Variants in SATL1 observed in about 807,000 individuals in gnomAD.
SATL1 encodes spermidine/spermine N(1)-acetyltransferase-like protein 1.
SATL1 carries 47 observed loss-of-function variants against 51.8 expected under a neutral mutation model. The observed-to-expected ratio is 0.91, with a 90% confidence interval of 0.72 to 1.16. The LOEUF (loss-of-function observed/expected upper bound fraction) is 1.16, where lower values mean the gene tolerates loss of function less well. SATL1 is among the 50% of genes most tolerant of loss of function. SATL1 has a pLI of 0.00. For missense variants in SATL1, 520 were observed against 526.4 expected, an observed-to-expected ratio of 0.99 and a Z score of 0.12; for synonymous variants, 176 against 182.4, an observed-to-expected ratio of 0.97 and a Z score of 0.28.
At chrX:85,200,051 A>G (rs1228984720) in intron 2 of SATL1, among the ~76,000 whole-genome samples, 1 of 112,036 alleles carries the variant, frequency 8.9e-6, no homozygotes, top group Non-Finnish European at 1.9e-5. Flanking sequence ...CTGTATCAAA[A>G]TATATCACTT....
chrX:85,129,718 T>C (rs981994832), intron 2 of SATL1, among the ~76,000 whole-genome samples: 1 of 111,684 alleles, frequency 9.0e-6, no homozygotes, highest in African/African-American at 3.3e-5. Flanking sequence ...CATCCCTCTC[T>C]TGTGCCAGTT....
chrX:85,185,549 C>T (rs1332100437), intron 2 of SATL1, among the ~76,000 whole-genome samples: 2 of 111,146 alleles, frequency 1.8e-5, no homozygotes, highest in African/African-American at 6.5e-5. Flanking sequence ...AAGACAAAGT[C>T]CTTCCTACAT....
At position 85,236,731 on chromosome X, in the gene SATL1, C is replaced by T. The variant is rs1928488704; in HGVS notation, c.-435+6857G>A. Among the ~76,000 whole-genome samples, 3 of 111,538 alleles carry T rather than the reference C, an allele frequency of 2.7e-5. No homozygotes were observed. In the Admixed American group the frequency reaches 2.8e-4, roughly 11 times the overall value. On this transcript the variant is annotated intron_variant, in intron 1 of 7. Coordinates refer to ENST00000644105, the MANE Select transcript of SATL1 (RefSeq NM_001367857.2). ...CACATGACAGACTCACAGCTAGTATCATAATGAATGGGGAAATACTGAAAG... is the reference window on the plus strand; with the variant it reads ...CACATGACAGACTCACAGCTAGTATTATAATGAATGGGGAAATACTGAAAG...
chrX:85,171,824 T>A (rs1926978300), intron 2 of SATL1, among the ~76,000 whole-genome samples: 1 of 111,723 alleles, frequency 9.0e-6, no homozygotes, highest in African/African-American at 3.2e-5. Flanking sequence ...TTGTATTAAG[T>A]GAACAAATCC....
At chrX:85,218,338 T>C (rs1928097817) in intron 2 of SATL1, among the ~76,000 whole-genome samples, 1 of 111,834 alleles carries the variant, frequency 8.9e-6, no homozygotes. Flanking sequence ...TACAGATTCA[T>C]ACTTTCTCAG....
At chrX:85,150,560 T>A (rs966671342) in intron 2 of SATL1, among the ~76,000 whole-genome samples, 1 of 110,517 alleles carries the variant, frequency 9.0e-6, no homozygotes, top group Non-Finnish European at 1.9e-5. Flanking sequence ...GATGCAAAAA[T>A]CCTCAATAAA....
At chrX:85,230,390 ATTTCT>A (rs1195603488) in intron 1 of SATL1, among the ~76,000 whole-genome samples, 1 of 112,262 alleles carries the variant, frequency 8.9e-6, no homozygotes, top group Admixed American at 9.4e-5. Flanking sequence ...GAAATTGGTC[ATTTCT>A]TTATTTTATG....
chrX:85,194,058 T>C (rs1484833999), intron 2 of SATL1, among the ~76,000 whole-genome samples: 1 of 111,865 alleles, frequency 8.9e-6, no homozygotes, highest in African/African-American at 3.3e-5. Context: ...GTAGGTCAAA[T>C]GGTAGTTCTG....
At chrX:85,177,612 C>T (rs1206362072) in intron 2 of SATL1, among the ~76,000 whole-genome samples, 2 of 111,380 alleles carry the variant, frequency 1.8e-5, no homozygotes, top group African/African-American at 6.5e-5. Flanking sequence ...ACTATATACC[C>T]AATTTGGGTG....
chrX:85,105,133 A>G (rs1014747087), intron 3 of SATL1, among the ~76,000 whole-genome samples: 1 of 111,832 alleles, frequency 8.9e-6, no homozygotes, highest in African/African-American at 3.2e-5. Flanking sequence ...CTGGAATTGC[A>G]TTAAACTTTT....
chrX:85,222,921 C>T (rs1294647434), intron 2 of SATL1, among the ~76,000 whole-genome samples: 3 of 112,032 alleles, frequency 2.7e-5, no homozygotes. Flanking sequence ...TATTACTCTT[C>T]TAACTAGAAG....
chrX:85,213,827 GAC>G (rs1482816248), intron 2 of SATL1, among the ~76,000 whole-genome samples: 1 of 111,642 alleles, frequency 9.0e-6, no homozygotes, highest in Non-Finnish European at 1.9e-5. Context: ...ACTTTCATGA[GAC>G]ATGTAAAATC....
intron 1 of SATL1, among the ~76,000 whole-genome samples, chrX:85,229,861 A>G (rs1928345468): frequency 8.9e-6 from 1 of 111,952 alleles, no homozygotes; most frequent in Non-Finnish European, 1.9e-5. Context: ...ATACTTGAAT[A>G]CAAACTTAAA....
chrX:85,223,753 T>C (rs1370921893), intron 2 of SATL1, among the ~76,000 whole-genome samples: 1 of 111,492 alleles, frequency 9.0e-6, no homozygotes, highest in Non-Finnish European at 1.9e-5. Flanking sequence ...CCTGGTACTG[T>C]GCCAAACTCC....
chrX:85,201,565 G>T (rs189889198), intron 2 of SATL1, among the ~76,000 whole-genome samples: 12 of 111,079 alleles, frequency 1.1e-4, no homozygotes, highest in African/African-American at 3.9e-4. Context: ...CATCACCCAG[G>T]TATTAAACTC....
chrX:85,185,967 C>T (rs1377338474), intron 2 of SATL1, among the ~76,000 whole-genome samples: 1 of 110,760 alleles, frequency 9.0e-6, no homozygotes, highest in African/African-American at 3.3e-5. Context: ...CTGGGTCTCA[C>T]CCAAGGCCCA....
At chrX:85,207,954 C>T (rs779476836) in intron 2 of SATL1, 1 of 111,249 alleles carries the variant, frequency 9.0e-6, no homozygotes, top group African/African-American at 3.3e-5. Flanking sequence ...GCACAACGTG[C>T]AGGTTTGATA....
At chrX:85,125,407 G>A (rs779520004) in intron 2 of SATL1, among the ~76,000 whole-genome samples, 65 of 110,994 alleles carry the variant, frequency 5.9e-4, no homozygotes, top group Non-Finnish European at 1.1e-3. Flanking sequence ...ATTACACTGA[G>A]TAGTACTGGG....
chrX:85,097,823 TATAAA>T (rs1339134908), intron 4 of SATL1, among the ~76,000 whole-genome samples: 2 of 112,018 alleles, frequency 1.8e-5, no homozygotes, highest in African/African-American at 6.5e-5. Flanking sequence ...ACAAAATATC[TATAAA>T]ATACACACAT....
Sources: gnomAD v4.1 joint callset for allele counts (sites outside exome capture counted in the v4.1 genomes callset) on GRCh38, gnomAD v4.1.1 for gene constraint, MANE v1.5 for transcripts, NCBI Gene and HGNC (gene_info 2026-07-23, HGNC 2026-07-21) for gene names.